CAMSAP1: variants seen among roughly 807,000 people sequenced by gnomAD.
The protein encoded by CAMSAP1 is calmodulin-regulated spectrin-associated protein 1.
Under a neutral mutation model 143.5 loss-of-function variants are expected in CAMSAP1, and 58 were observed. That is an observed-to-expected ratio of 0.40 (90% CI 0.33 to 0.50). The LOEUF (loss-of-function observed/expected upper bound fraction) is 0.50. Among genes scored for constraint, CAMSAP1 ranks in the 20% least tolerant of loss-of-function variants. The pLI is 0.45. For missense variants in CAMSAP1, 1,969 were observed against 2,115.7 expected (o/e 0.93, Z 1.36); for synonymous variants, 945 against 859.3 (o/e 1.10, Z -1.74).
chr9:135,892,864 A>AAAAAAAAAAACAAAAAAAAAC, intron 1 of CAMSAP1, among the ~76,000 whole-genome samples: 1 of 144,192 alleles, frequency 6.9e-6, no homozygotes, highest in Non-Finnish European at 1.5e-5. Context: ...AAAAAAAAAA[A>AAAAAAAAAAACAAAAAAAAAC]AAAGAACTAA....
chr9:135,893,825 A>T (rs1203031762), intron 1 of CAMSAP1, among the ~76,000 whole-genome samples: 1 of 152,254 alleles, frequency 6.6e-6, no homozygotes, highest in South Asian at 2.1e-4. Flanking sequence ...ATTTCTGGCC[A>T]GGACAAAATG....
At chr9:135,865,208 A>C (rs955976859) in intron 4 of CAMSAP1, 3 of 912,886 alleles carry the variant, frequency 3.3e-6, no homozygotes, top group Admixed American at 2.1e-5. Context: ...AATAACTCCA[A>C]GGTGGGACAT....
chr9:135,885,967 C>T (rs1333128215), intron 1 of CAMSAP1, among the ~76,000 whole-genome samples: 3 of 152,018 alleles, frequency 2.0e-5, no homozygotes, highest in African/African-American at 4.8e-5. Context: ...TGCACTTGTC[C>T]ATGAGTAACT....
chr9:135,832,832 A>G (rs900945775), intron 7 of CAMSAP1, among the ~76,000 whole-genome samples: 2 of 152,238 alleles, frequency 1.3e-5, no homozygotes, highest in East Asian at 3.8e-4. Flanking sequence ...ATAACCAATG[A>G]GTAAAAGATC....
At chr9:135,870,144 T>C (rs533606706) in intron 3 of CAMSAP1, among the ~76,000 whole-genome samples, 2 of 152,262 alleles carry the variant, frequency 1.3e-5, no homozygotes, top group Non-Finnish European at 2.9e-5. Flanking sequence ...CCCACCCAAA[T>C]CTTATCTCAA....
intron 7 of CAMSAP1, among the ~76,000 whole-genome samples, chr9:135,846,682 C>CAAAAAAAAAAAAAAAAA (rs752714756): frequency 1.9e-5 from 1 of 53,696 alleles, no homozygotes. Context: ...ACAAATTTAC[C>CAAAAAAAAAAAAAAAAA]AAAAAAAAAA....
At chr9:135,890,041 G>A (rs527694382) in intron 1 of CAMSAP1, among the ~76,000 whole-genome samples, 168 of 152,278 alleles carry the variant, frequency 1.1e-3, no homozygotes, top group African/African-American at 3.8e-3. Context: ...GAGGCCCCTC[G>A]GGGTGGGATG....
intron 1 of CAMSAP1, among the ~76,000 whole-genome samples, chr9:135,889,828 C>A (rs1400734815): frequency 6.6e-6 from 1 of 152,196 alleles, no homozygotes; most frequent in East Asian, 1.9e-4. Context: ...GGCCGGCCAC[C>A]CTCATTCACA....
Position 135,824,692 on chromosome 9 carries a change from A to T in CAMSAP1, c.1315+97T>A. On this transcript the variant is annotated intron_variant, in intron 9 of 16. Coordinates refer to ENST00000389532, the MANE Select transcript of CAMSAP1 (RefSeq NM_015447.4). This position sits in a 1 kb window ranked among gnomAD's most constrained non-coding sequence, Gnocchi z 4.1. ...AAACAAACAAACAAACAAAAAAATCACTACATCAGATAAAATGATTTAATT... is the reference window on the plus strand; with the variant it reads ...AAACAAACAAACAAACAAAAAAATCTCTACATCAGATAAAATGATTTAATT... The T allele has an allele frequency of 1.1e-6, 1 of 937,492 alleles. No individual in the cohort carries two copies. Among genetic ancestry groups the T allele is most frequent in the Non-Finnish European group, 1.6e-6 (1 of 639,176 alleles). The allele number at this position is 937,492 out of a possible 1,614,324, so 58.1% of individuals were successfully genotyped here.
rs200532748 is a variant in CAMSAP1 at position 135,817,956 on chromosome 9, C to T, written c.4271+21G>A. 39 of 1,608,976 alleles carry T rather than the reference C, an allele frequency of 2.4e-5. No homozygotes were observed. The African/African-American group carries it at 3.3e-4, about 14-fold the overall frequency. ...CGAACGTCCTCCAGCCCCGTGCCGG[C>T]GGCCGTCTCAGGCCCCTTACCGCTG... On this transcript the variant is annotated intron_variant, in intron 14 of 16. Transcript: ENST00000389532.
rs777171414 is a variant in CAMSAP1, at chr9:135,827,605, C to G, written c.1046-21G>C. On this transcript the variant is annotated intron_variant, in intron 7 of 16. Transcript: ENST00000389532. ...TTTCGCTGCAGAAATAGCGTTTTTG[C>G]ATCGTTACTTACAACACTAACTGGA... 1.9e-6 allele frequency: 3 copies of G among 1,544,986 alleles called. No homozygotes were observed. The East Asian group carries it at 6.9e-5, about 36-fold the overall frequency.
chr9:135,860,003 G>A (rs1193736347), intron 5 of CAMSAP1, among the ~76,000 whole-genome samples: 4 of 140,806 alleles, frequency 2.8e-5, no homozygotes, highest in Non-Finnish European at 4.6e-5. Flanking sequence ...CCAGGAGTTC[G>A]AGACCAGCCC....
chr9:135,822,627 G>A lies in CAMSAP1; in HGVS notation c.2034C>T (p.Val678=), dbSNP rs1835519688. 3.1e-6 allele frequency: 5 copies of A among 1,612,454 alleles called. No individual in the cohort carries two copies. Among genetic ancestry groups the A allele is most frequent in the Non-Finnish European group, 4.2e-6 (5 of 1,179,076 alleles). Residue 678 remains valine (V), a synonymous_variant, in exon 11 of 17, where the codon GTC becomes GTT. Coordinates refer to ENST00000389532, the MANE Select transcript of CAMSAP1 (RefSeq NM_015447.4). This position sits in a 1 kb window ranked among gnomAD's most constrained non-coding sequence, Gnocchi z 6.1. ...CGCCAAGGGCCAGAGGCCCACCACA[G>A]ACCTCTCCTGCGGTTTCCACTGACA... ...GPLSVETAGE[V]CGGPLALGGF...
intron 7 of CAMSAP1, chr9:135,836,159 C>T (rs1836025563): frequency 1.0e-6 from 1 of 985,298 alleles, no homozygotes; most frequent in Non-Finnish European, 1.2e-6. Flanking sequence ...AGCCCATGTG[C>T]ATCTACAGAC....
intron 3 of CAMSAP1, among the ~76,000 whole-genome samples, chr9:135,870,900 AATTG>A (rs1837548937): frequency 6.6e-6 from 1 of 152,248 alleles, no homozygotes; most frequent in Non-Finnish European, 1.5e-5. Flanking sequence ...TAAAAACATT[AATTG>A]ATGATAGTTT....
At chr9:135,840,329 C>T (rs1564433203) in intron 7 of CAMSAP1, among the ~76,000 whole-genome samples, 1 of 152,158 alleles carries the variant, frequency 6.6e-6, no homozygotes, top group Admixed American at 6.5e-5. Flanking sequence ...TATGTCTCAT[C>T]CCAGAGTGAA....
intron 3 of CAMSAP1, among the ~76,000 whole-genome samples, chr9:135,873,439 T>C (rs906344613): frequency 6.6e-5 from 10 of 151,832 alleles, no homozygotes; most frequent in African/African-American, 2.4e-4. Flanking sequence ...AAACCCAAAA[T>C]ACAAAATAAT....
At chr9:135,814,357 T>C (rs548827434) in intron 16 of CAMSAP1, among the ~76,000 whole-genome samples, 2 of 152,342 alleles carry the variant, frequency 1.3e-5, no homozygotes, top group East Asian at 3.9e-4. Flanking sequence ...TGACAGATTG[T>C]TGCATAATTT....
Position 135,818,615 on chromosome 9 carries a change from G to A in CAMSAP1, c.3961C>T (p.Arg1321Cys). 1.2e-6 allele frequency: 2 copies of A among 1,612,816 alleles called. No homozygotes were observed. Among genetic ancestry groups the A allele is most frequent in the Admixed American group, 3.3e-5 (2 of 60,000 alleles). ...CGCACCCGGTCTTCCTCAGCTTTGC[G>A]CCTGAGAGAAACACACGCCCAGACA... ...EVELKRDEAR[R>C]KAEEDRVRKE... Residue 1321 changes from arginine to cysteine, a missense_variant and splice_region_variant, in exon 13 of 17, where the codon CGC (arginine) becomes TGC (cysteine). By Grantham distance (180) the Arg-to-Cys change is radical. Transcript: ENST00000389532. The surrounding 1 kb of genome is among the most constrained non-coding windows in gnomAD (Gnocchi z 7.7).
Sources: gnomAD v4.1 joint callset for allele counts (sites outside exome capture counted in the v4.1 genomes callset) on GRCh38, gnomAD v4.1.1 for gene constraint, Gnocchi (gnomAD v3.1) non-coding constraint, MANE v1.5 for transcripts, NCBI Gene and HGNC (gene_info 2026-07-23, HGNC 2026-07-21) for gene names.